The following ACLY variants were observed in gnomAD, a reference collection of about 807,000 sequenced individuals.
ACLY encodes the protein ATP citrate lyase, also known as ATP-citrate synthase.
ACLY carries 41 observed loss-of-function variants against 133.0 expected under a neutral mutation model. The observed-to-expected ratio is 0.31, with a 90% CI of 0.24 to 0.40. The LOEUF (loss-of-function observed/expected upper bound fraction) is 0.40, where lower values mean the gene tolerates loss of function less well. Among genes scored for constraint, ACLY ranks in the 10% least tolerant of loss-of-function variants. ACLY has a pLI of 1.00. For missense variants in ACLY, 1,046 were observed against 1,453.8 expected (o/e 0.72, Z 4.56); for synonymous variants, 495 against 549.3 (o/e 0.90, Z 1.38).
chr17:41,904,941 G>A (rs2049666395), intron 9 of ACLY, 151 bp from the exon 10 acceptor site: 1 of 717,892 alleles, frequency 1.4e-6, no homozygotes, highest in Non-Finnish European at 2.4e-6. Context: ...AGTCTCTCCA[G>A]ACATTCCACT....
chr17:41,897,917 A>G (rs2049420059), intron 12 of ACLY, 78 bp from the exon 13 acceptor site: 7 of 1,300,186 alleles, frequency 5.4e-6, no homozygotes, highest in Admixed American at 2.5e-5. Flanking sequence ...AAAGGCCCCA[A>G]AGAAAACTCG....
intron 1 of ACLY, among the ~76,000 whole-genome samples, chr17:41,915,141 A>T (rs1555634304): frequency 6.6e-6 from 1 of 152,084 alleles, no homozygotes; most frequent in African/African-American, 2.4e-5. Context: ...CACTTCAAAG[A>T]GTCTATGATA....
At chr17:41,919,858 G>A (rs2050154778), upstream of ACLY, among the ~76,000 whole-genome samples, 1 of 152,168 alleles carries the variant, frequency 6.6e-6, no homozygotes, top group Non-Finnish European at 1.5e-5. Context: ...GTGAACTTGT[G>A]GGGCAGAATA....
chr17:41,894,165 C>T (rs904390072), intron 14 of ACLY, among the ~76,000 whole-genome samples: 1 of 149,814 alleles, frequency 6.7e-6, no homozygotes, highest in Non-Finnish European at 1.5e-5. Context: ...TGCAGTGAGC[C>T]GAGATCGTGC....
rs782110199 is a variant in ACLY, at chr17:41,913,879, CAG to C, written c.-8_-7del. The C allele has an allele frequency of 2.5e-5, 40 of 1,614,124 alleles. No individual in the cohort carries two copies. In the South Asian group the frequency reaches 4.3e-4, roughly 17 times the overall value. On this transcript the variant is annotated 5_prime_UTR_variant, in exon 2 of 29. Transcript: ENST00000352035. ...GAAATTGCCTTGGCCGACATGGCTGCAGAGAGACCTGCTCTACCTGTCTGGGA... is the reference window on the plus strand; with the variant it reads ...GAAATTGCCTTGGCCGACATGGCTGCAGAGACCTGCTCTACCTGTCTGGGA...
rs1769527106 is a variant in ACLY, at chr17:41,906,467, A to C, written c.866+61T>G. ...TGACAGGACCCCACCCACCCAGGCT[A>C]CACACATGTTGATGCTGGGTAGACT... On this transcript the variant is annotated intron_variant, in intron 8 of 28. Transcript: ENST00000352035. 1.6e-5 allele frequency: 23 copies of C among 1,447,234 alleles called. No individual in the cohort carries two copies. The South Asian group carries it at 2.5e-4, about 16-fold the overall frequency. The allele number at this position is 1,447,234 out of a possible 1,614,324, so 89.6% of individuals were successfully genotyped here. A position where few individuals can be genotyped will look rare whatever the true frequency, so the allele number is the denominator to read the frequency against.
intron 1 of ACLY, among the ~76,000 whole-genome samples, chr17:41,929,267 G>T (rs1286592521): frequency 1.3e-5 from 2 of 151,938 alleles, no homozygotes; most frequent in African/African-American, 4.8e-5. Context: ...GCTCACTTTT[G>T]TATTTGTGGT....
intron 1 of ACLY, among the ~76,000 whole-genome samples, chr17:41,929,685 T>G (rs1555636403): frequency 6.6e-6 from 1 of 152,344 alleles, no homozygotes; most frequent in South Asian, 2.1e-4. Flanking sequence ...CCTTTTGAGA[T>G]AATCATAGAT....
At chr17:41,877,801 G>A in intron 22 of ACLY, among the ~76,000 whole-genome samples, 1 of 152,108 alleles carries the variant, frequency 6.6e-6, no homozygotes, top group East Asian at 1.9e-4. Context: ...TTTCTCCTGT[G>A]CTGGATGCTT....
At chr17:41,871,921 A>G in intron 24 of ACLY, 89 bp from the exon 25 acceptor site, 1 of 1,595,228 alleles carries the variant, frequency 6.3e-7, no homozygotes. Flanking sequence ...AACGGCCCTG[A>G]GCACTGGGTT....
intron 22 of ACLY, among the ~76,000 whole-genome samples, chr17:41,877,713 C>T (rs557661313): frequency 6.6e-6 from 1 of 152,250 alleles, no homozygotes; most frequent in African/African-American, 2.4e-5. Flanking sequence ...TGAGCATAAT[C>T]TAATCAGCTT....
intron 4 of ACLY, among the ~76,000 whole-genome samples, chr17:41,909,936 A>C (rs1169828669): frequency 6.6e-6 from 1 of 152,202 alleles, no homozygotes; most frequent in South Asian, 2.1e-4. Context: ...CTGAATCAGT[A>C]TGACCAACCC....
At chr17:41,882,970 G>A in intron 20 of ACLY, 152 bp downstream of exon 20, 1 of 610,948 alleles carries the variant, frequency 1.6e-6, no homozygotes, top group Non-Finnish European at 2.8e-6. Flanking sequence ...CAGAGAGCAG[G>A]GCCCTGGCTG....
At chr17:41,868,158 G>T (rs556562519) in intron 28 of ACLY, among the ~76,000 whole-genome samples, 1 of 151,994 alleles carries the variant, frequency 6.6e-6, no homozygotes, top group Non-Finnish European at 1.5e-5. Context: ...ATAAAAATAG[G>T]CCGGGCACGG....
At chr17:41,877,296 G>A (rs987122759) in intron 22 of ACLY, among the ~76,000 whole-genome samples, 12 of 151,704 alleles carry the variant, frequency 7.9e-5, no homozygotes, top group Non-Finnish European at 1.6e-4. Flanking sequence ...GCCCACCACC[G>A]CGCCTGGCTA....
At chr17:41,897,327 G>A (rs2049397624) in intron 13 of ACLY, among the ~76,000 whole-genome samples, 2 of 152,090 alleles carry the variant, frequency 1.3e-5, no homozygotes, top group South Asian at 2.1e-4. Context: ...AGGGCCCCAA[G>A]ATGGTGGGGG....
intron 21 of ACLY, among the ~76,000 whole-genome samples, 171 bp downstream of exon 21, chr17:41,878,622 CTAAA>C (rs1284139116): frequency 6.6e-6 from 1 of 152,082 alleles, no homozygotes; most frequent in Non-Finnish European, 1.5e-5. Flanking sequence ...CCTCCACAAA[CTAAA>C]TAAAACAAAA....
intron 19 of ACLY, 54 bp from the exon 20 acceptor site, chr17:41,883,286 G>T: frequency 6.9e-7 from 1 of 1,456,812 alleles, no homozygotes; most frequent in Non-Finnish European, 9.6e-7. Flanking sequence ...CCATCCTGAC[G>T]TAAAAACTGG....
rs917358246 is a variant in ACLY, at chr17:41,884,107, T to C, written c.2154+86A>G. ...CCAGGGACTGTCCCTTTAAGTTACATGTAACCAAAATGTTTTAATTTTTTG... is the reference window on the plus strand; with the variant it reads ...CCAGGGACTGTCCCTTTAAGTTACACGTAACCAAAATGTTTTAATTTTTTG... On this transcript the variant is annotated intron_variant, in intron 19 of 28. Coordinates refer to ENST00000352035, the MANE Select transcript of ACLY (RefSeq NM_001096.3). The C allele has an allele frequency of 3.4e-5, 28 of 826,224 alleles. 1 individual carries two copies. Among genetic ancestry groups the C allele is most frequent in the Non-Finnish European group, 3.2e-5 (16 of 499,870 alleles). The allele number at this position is 826,224 out of a possible 1,614,324, so 51.2% of individuals were successfully genotyped here.
Sources: gnomAD v4.1 joint callset for allele counts (sites outside exome capture counted in the v4.1 genomes callset) on GRCh38, gnomAD v4.1.1 for gene constraint, MANE v1.5 for transcripts, NCBI Gene and HGNC (gene_info 2026-07-23, HGNC 2026-07-21) for gene names.